CHN2: variants seen among roughly 807,000 people sequenced by gnomAD.
CHN2 encodes the protein chimerin 2.
A neutral mutation model predicts 56.3 loss-of-function variants in CHN2; 35 were observed. That is an observed-to-expected ratio of 0.62 (90% CI 0.47 to 0.82). CHN2 has a LOEUF of 0.82. Among genes scored for constraint, CHN2 ranks in the 40% least tolerant of loss-of-function variants. The probability of loss-of-function intolerance (pLI) is 0.00; values close to 1 mark genes in which losing one functional copy is unlikely to be tolerated. For missense variants in CHN2, 491 were observed against 580.5 expected (o/e 0.85, Z 1.58); for synonymous variants, 210 against 212.8 (o/e 0.99, Z 0.12).
chr7:29,447,813 T>C (rs1479274547), intron 6 of CHN2, among the ~76,000 whole-genome samples: 2 of 152,336 alleles, frequency 1.3e-5, no homozygotes, highest in East Asian at 3.9e-4. Context: ...TTAAAATATG[T>C]GCTGTTTATT....
At chr7:29,324,428 A>G (rs1795639022) in intron 1 of CHN2, among the ~76,000 whole-genome samples, 1 of 152,192 alleles carries the variant, frequency 6.6e-6, no homozygotes. Context: ...CCAAAAGCCC[A>G]GGAATAATTT....
chr7:29,244,298 G>T (rs1234245914), intron 1 of CHN2, among the ~76,000 whole-genome samples: 1 of 152,124 alleles, frequency 6.6e-6, no homozygotes, highest in East Asian at 1.9e-4. Flanking sequence ...TCATTGGCTG[G>T]TGACAGAATG....
chr7:29,206,769 G>T (rs1784549717), intron 1 of CHN2, among the ~76,000 whole-genome samples: 2 of 152,084 alleles, frequency 1.3e-5, no homozygotes, highest in South Asian at 4.1e-4. Context: ...GCCACAGGGA[G>T]ATTCTCAAAA....
intron 1 of CHN2, among the ~76,000 whole-genome samples, chr7:29,215,798 A>G (rs892392499): frequency 6.6e-6 from 1 of 152,120 alleles, no homozygotes; most frequent in African/African-American, 2.4e-5. Context: ...TCCAAGGACC[A>G]TAACCTATGG....
intron 1 of CHN2, among the ~76,000 whole-genome samples, chr7:29,345,831 G>C (rs1797394045): frequency 6.6e-6 from 1 of 152,046 alleles, no homozygotes; most frequent in South Asian, 2.1e-4. Context: ...CCAGCCCAAG[G>C]CCCTCCATGG....
intron 1 of CHN2, among the ~76,000 whole-genome samples, chr7:29,231,797 G>T (rs1383811198): frequency 6.6e-6 from 1 of 152,174 alleles, no homozygotes; most frequent in African/African-American, 2.4e-5. Context: ...TAGTTAAACA[G>T]GGTGTTTCCT....
At chr7:29,512,137 C>G (rs1791528470) in intron 12 of CHN2, among the ~76,000 whole-genome samples, 1 of 151,904 alleles carries the variant, frequency 6.6e-6, no homozygotes, top group Admixed American at 6.6e-5. Flanking sequence ...CTGCCCTTCC[C>G]TTCCCACTCT....
chr7:29,282,577 T>C (rs1791810633), intron 1 of CHN2, among the ~76,000 whole-genome samples: 1 of 152,244 alleles, frequency 6.6e-6, no homozygotes, highest in South Asian at 2.1e-4. Context: ...TGGTGGATTT[T>C]TCTATTAAAA....
chr7:29,509,985 A>G (rs1384816840), intron 12 of CHN2, among the ~76,000 whole-genome samples: 1 of 152,182 alleles, frequency 6.6e-6, no homozygotes, highest in African/African-American at 2.4e-5. Context: ...TACAGCCTTT[A>G]ACTACTCTGC....
chr7:29,409,784 G>A (rs1289964398), intron 6 of CHN2, among the ~76,000 whole-genome samples: 1 of 152,214 alleles, frequency 6.6e-6, no homozygotes, highest in African/African-American at 2.4e-5. Flanking sequence ...GGATCTTGGG[G>A]ATCCCCAAAC....
intron 6 of CHN2, chr7:29,479,681 C>T (rs781474715): frequency 2.9e-5 from 30 of 1,041,910 alleles, no homozygotes; most frequent in African/African-American, 2.3e-4. Context: ...AGACTTTGAA[C>T]GTCAGAGCTG....
At chr7:29,492,176 T>G (rs1788732964) in intron 7 of CHN2, among the ~76,000 whole-genome samples, 1 of 152,226 alleles carries the variant, frequency 6.6e-6, no homozygotes, top group African/African-American at 2.4e-5. Context: ...GTCAGAGCAC[T>G]TTGATGAAAT....
At chr7:29,400,339 A>C in intron 5 of CHN2, 1 of 598,984 alleles carries the variant, frequency 1.7e-6, no homozygotes, top group Non-Finnish European at 3.0e-6. Context: ...TTCAAGCATC[A>C]GTTACCTTTG....
chr7:29,269,974 G>A (rs568848098), intron 1 of CHN2, among the ~76,000 whole-genome samples: 20 of 152,326 alleles, frequency 1.3e-4, no homozygotes, highest in Middle Eastern at 3.4e-3. Context: ...AGAAATTAAT[G>A]TAAGTGCTTT....
intron 1 of CHN2, among the ~76,000 whole-genome samples, chr7:29,283,449 A>G (rs758378147): frequency 6.6e-6 from 1 of 152,142 alleles, no homozygotes; most frequent in Non-Finnish European, 1.5e-5. Flanking sequence ...ACTAGTAAAA[A>G]TGATGGGATT....
intron 1 of CHN2, among the ~76,000 whole-genome samples, chr7:29,343,404 C>T (rs980605527): frequency 1.3e-5 from 2 of 152,122 alleles, no homozygotes. Context: ...CCCTTGTCTC[C>T]CTGTATTGCC....
chr7:29,377,616 G>A (rs912519317), intron 3 of CHN2, among the ~76,000 whole-genome samples: 2 of 150,896 alleles, frequency 1.3e-5, no homozygotes, highest in Non-Finnish European at 2.9e-5. Flanking sequence ...TTTAGATAAC[G>A]AATTTGCTAA....
At chr7:29,509,245 C>A in intron 11 of CHN2, 56 bp from the exon 12 acceptor site, 1 of 1,352,404 alleles carries the variant, frequency 7.4e-7, no homozygotes, top group Non-Finnish European at 1.0e-6. Context: ...TGTTACTTCT[C>A]TGAAAACTTG....
chr7:29,430,789 CAAAAA>C (rs72339566), intron 6 of CHN2, among the ~76,000 whole-genome samples: 6 of 113,684 alleles, frequency 5.3e-5, no homozygotes, highest in African/African-American at 8.9e-5. Context: ...AAGATGATAG[CAAAAA>C]AAAAAAAAAA....
Sources: allele counts gnomAD v4.1 joint callset (sites outside exome capture counted in the v4.1 genomes callset), GRCh38; gene constraint gnomAD v4.1.1; transcripts MANE v1.5; gene names NCBI Gene and HGNC (gene_info 2026-07-23, HGNC 2026-07-21).